SH3BGRL: variants seen among roughly 807,000 people sequenced by gnomAD.
SH3BGRL encodes SH3 domain binding glutamate rich protein like, also known as adapter SH3BGRL.
Under a neutral mutation model 9.8 loss-of-function variants are expected in SH3BGRL, and 7 were observed. The ratio of observed to expected loss-of-function variants is 0.72; its 90% CI spans 0.41 to 1.35. The LOEUF is 1.35. Ranked by LOEUF, SH3BGRL falls within the 40% of genes most tolerant of loss-of-function variation. The pLI, the probability that SH3BGRL is intolerant of heterozygous loss-of-function variation, is 0.01. For synonymous variants in SH3BGRL, 36 were observed against 29.1 expected, an observed-to-expected ratio of 1.24 and a Z score of -0.76; for missense variants, 73 against 84.4, an observed-to-expected ratio of 0.86 and a Z score of 0.53.
chrX:81,272,645 G>A (rs374378437), intron 1 of SH3BGRL, among the ~76,000 whole-genome samples: 2 of 109,311 alleles, frequency 1.8e-5, no homozygotes, highest in East Asian at 2.9e-4. Context: ...GACTTCAGGT[G>A]CCTGACACCA....
chrX:81,211,385 A>G (rs192124981), intron 1 of SH3BGRL, among the ~76,000 whole-genome samples: 1,570 of 111,468 alleles, frequency 0.014, 12 homozygotes, highest in Non-Finnish European at 0.024. Context: ...GGAGATCAAG[A>G]CCATCCTGGC....
intron 3 of SH3BGRL, among the ~76,000 whole-genome samples, chrX:81,279,624 T>C (rs1487796258): frequency 1.8e-5 from 2 of 110,534 alleles, no homozygotes; most frequent in Non-Finnish European, 3.8e-5. Flanking sequence ...TGGAGCTGAG[T>C]CAAGTTAGAG....
At chrX:81,263,370 ATG>A (rs2075746903) in intron 1 of SH3BGRL, among the ~76,000 whole-genome samples, 2 of 111,504 alleles carry the variant, frequency 1.8e-5, no homozygotes, top group Non-Finnish European at 3.8e-5. Context: ...GGGTAACTGT[ATG>A]TGTTTCAATT....
At chrX:81,234,112 T>G (rs1486176471) in intron 1 of SH3BGRL, among the ~76,000 whole-genome samples, 2 of 111,683 alleles carry the variant, frequency 1.8e-5, no homozygotes, top group Admixed American at 1.9e-4. Context: ...GAATAGTCTG[T>G]TTTTCACAGG....
Position 81,279,331 on chromosome X carries a change from T to C in SH3BGRL, c.312+920T>C, listed in dbSNP as rs1165018899. On this transcript the variant is annotated intron_variant, in intron 3 of 3. Coordinates refer to ENST00000373212, the MANE Select transcript of SH3BGRL (RefSeq NM_003022.3). Reference sequence around the variant, plus strand: ...GTAAGGCACTTTTCTTTAAATAAGATAGAGTACTAGATTGCAGCATCTGCA... The same window carrying C: ...GTAAGGCACTTTTCTTTAAATAAGACAGAGTACTAGATTGCAGCATCTGCA... 7.0e-4 allele frequency among the ~76,000 whole-genome samples: 78 copies of C among 111,349 alleles called. No individual in the cohort carries two copies. The Admixed American group carries it at 7.4e-3, about 11-fold the overall frequency.
chrX:81,251,740 T>C (rs1195476443), intron 1 of SH3BGRL, among the ~76,000 whole-genome samples: 1 of 112,200 alleles, frequency 8.9e-6, no homozygotes, highest in Admixed American at 9.5e-5. Context: ...AAACAATATT[T>C]TCTACTTTTT....
chrX:81,274,213 T>C (rs2075790102), intron 1 of SH3BGRL, among the ~76,000 whole-genome samples: 1 of 111,762 alleles, frequency 8.9e-6, no homozygotes, highest in African/African-American at 3.3e-5. Context: ...GCATTCACTG[T>C]GTCCCCTTAT....
At chrX:81,294,748 G>A (rs996970452) in intron 3 of SH3BGRL, among the ~76,000 whole-genome samples, 6 of 111,670 alleles carry the variant, frequency 5.4e-5, no homozygotes, top group African/African-American at 9.8e-5. Flanking sequence ...GCCTGGCAAA[G>A]CTGCAGACAC....
At chrX:81,278,293 T>C in intron 2 of SH3BGRL, 38 bp from the exon 3 acceptor site, 1 of 968,755 alleles carries the variant, frequency 1.0e-6, no homozygotes, top group Non-Finnish European at 1.5e-6. Context: ...TTTTATTGGT[T>C]GCATATTGCT....
At chrX:81,232,279 G>T (rs1168719161) in intron 1 of SH3BGRL, among the ~76,000 whole-genome samples, 1 of 110,618 alleles carries the variant, frequency 9.0e-6, no homozygotes, top group Non-Finnish European at 1.9e-5. Context: ...ATAAATAGGG[G>T]TAATAGTATT....
Position 81,277,061 on chromosome X carries a change from C to T in SH3BGRL, c.123C>T (p.Ala41=), listed in dbSNP as rs1275002467. The T allele has an allele frequency of 1.2e-5, 14 of 1,206,463 alleles. No homozygotes were observed. Among genetic ancestry groups the T allele is most frequent in the Non-Finnish European group, 1.5e-5 (13 of 892,219 alleles). Residue 41 remains alanine (A), a synonymous_variant, in exon 2 of 4, where the codon GCC becomes GCT. Coordinates refer to ENST00000373212, the MANE Select transcript of SH3BGRL (RefSeq NM_003022.3). ...KIGFEEKDIA[A]NEENRKWMRE... Reference sequence around the variant, plus strand: ...GATTTGAAGAAAAAGATATTGCAGCCAATGAAGAGAATCGGAAGTGGATGA... The same window carrying T: ...GATTTGAAGAAAAAGATATTGCAGCTAATGAAGAGAATCGGAAGTGGATGA...
At chrX:81,202,913 A>G (rs893349744) in intron 1 of SH3BGRL, among the ~76,000 whole-genome samples, 5 of 110,978 alleles carry the variant, frequency 4.5e-5, no homozygotes, top group Non-Finnish European at 9.4e-5. Context: ...GACTGTTTCT[A>G]TTCTTTCAAA....
intron 1 of SH3BGRL, among the ~76,000 whole-genome samples, chrX:81,204,333 A>G (rs1651849157): frequency 8.9e-6 from 1 of 111,939 alleles, no homozygotes; most frequent in African/African-American, 3.3e-5. Flanking sequence ...TGTAACATGA[A>G]TGGAGTGGTG....
At chrX:81,290,105 G>A (rs749355861) in intron 3 of SH3BGRL, among the ~76,000 whole-genome samples, 3 of 111,629 alleles carry the variant, frequency 2.7e-5, no homozygotes, top group Non-Finnish European at 5.6e-5. Flanking sequence ...AGGAGAAAAG[G>A]GATCATTCAT....
At chrX:81,289,586 G>T (rs922718496) in intron 3 of SH3BGRL, among the ~76,000 whole-genome samples, 4 of 111,263 alleles carry the variant, frequency 3.6e-5, no homozygotes, top group East Asian at 2.8e-4. Flanking sequence ...GGCCATGCAT[G>T]GTGGCTTAGA....
intron 1 of SH3BGRL, among the ~76,000 whole-genome samples, chrX:81,265,133 T>C (rs936126796): frequency 9.2e-6 from 1 of 108,802 alleles, no homozygotes; most frequent in Non-Finnish European, 1.9e-5. Context: ...CCTTAACGTG[T>C]TTTTAGAAAA....
chrX:81,238,804 G>A (rs1272894630), intron 1 of SH3BGRL, among the ~76,000 whole-genome samples: 2 of 109,278 alleles, frequency 1.8e-5, no homozygotes, highest in Non-Finnish European at 3.8e-5. Flanking sequence ...GAGAGAGAGA[G>A]AGAGAGAGAG....
At chrX:81,250,110 G>A (rs1438498325) in intron 1 of SH3BGRL, among the ~76,000 whole-genome samples, 1 of 108,622 alleles carries the variant, frequency 9.2e-6, no homozygotes, top group Non-Finnish European at 1.9e-5. Flanking sequence ...CTTAAAAATA[G>A]TTTCAACTGG....
rs73634733 is a variant in SH3BGRL, at chrX:81,243,087, G to A, written c.46-33897G>A. Among the ~76,000 whole-genome samples the A allele has an allele frequency of 9.3e-3, 1,039 of 112,207 alleles. 9 individuals carry two copies. The highest frequency in any genetic ancestry group is 0.032 in the African/African-American group (973 of 30,885). ...GTATATCAAAGAGGTATTCTGCACT[G>A]CCATGTTTGTTGTAGCATTCACAAT... On this transcript the variant is annotated intron_variant, in intron 1 of 3. Transcript: ENST00000373212.
Sources: allele counts gnomAD v4.1 joint callset (sites outside exome capture counted in the v4.1 genomes callset), GRCh38; gene constraint gnomAD v4.1.1; transcripts MANE v1.5; gene names NCBI Gene and HGNC (gene_info 2026-07-23, HGNC 2026-07-21).